Variants in NRG1 observed in about 807,000 individuals in gnomAD.
NRG1 encodes neuregulin 1.
Under a neutral mutation model 63.8 loss-of-function variants are expected in NRG1, and 18 were observed. The observed-to-expected ratio is 0.28, with a 90% CI of 0.19 to 0.42. NRG1 has a LOEUF of 0.42. Among genes scored for constraint, NRG1 ranks in the 10% least tolerant of loss-of-function variants. The pLI, the probability that NRG1 is intolerant of heterozygous loss-of-function variation, is 1.00. For synonymous variants in NRG1, 302 were observed against 301.3 expected, an observed-to-expected ratio of 1.00 and a Z score of -0.02; for missense variants, 762 against 814.7, an observed-to-expected ratio of 0.94 and a Z score of 0.79.
chr8:32,130,075 C>T (rs538856902), intron 1 of NRG1, among the ~76,000 whole-genome samples: 51 of 151,934 alleles, frequency 3.4e-4, no homozygotes, highest in African/African-American at 1.2e-3. Flanking sequence ...TGAAAGACGG[C>T]AGTTTAACGT....
intron 1 of NRG1, among the ~76,000 whole-genome samples, chr8:31,742,989 C>T (rs1437079334): frequency 6.6e-6 from 1 of 151,852 alleles, no homozygotes; most frequent in African/African-American, 2.4e-5. Context: ...GCCATTTTAT[C>T]CATCTACTTT....
chr8:32,217,636 T>A (rs1365373454), intron 1 of NRG1, among the ~76,000 whole-genome samples: 4 of 152,058 alleles, frequency 2.6e-5, no homozygotes, highest in Admixed American at 2.0e-4. Context: ...AGGGAAGAAA[T>A]CGGGTGAAAA....
intron 1 of NRG1, among the ~76,000 whole-genome samples, chr8:31,766,422 G>A (rs1009026753): frequency 1.3e-5 from 2 of 152,176 alleles, no homozygotes; most frequent in African/African-American, 2.4e-5. Context: ...ATGTTTTGGG[G>A]TGGGATTAAG....
At chr8:32,240,814 A>T (rs1481731) in intron 1 of NRG1, among the ~76,000 whole-genome samples, 2 of 152,002 alleles carry the variant, frequency 1.3e-5, no homozygotes, top group South Asian at 2.1e-4. Flanking sequence ...GAAGAATTTT[A>T]GAGACTCTTT....
At chr8:31,693,382 C>T (rs867930533) in intron 1 of NRG1, among the ~76,000 whole-genome samples, 1 of 152,042 alleles carries the variant, frequency 6.6e-6, no homozygotes, top group African/African-American at 2.4e-5. Flanking sequence ...TTTACATTTC[C>T]AATTAAAGCA....
intron 1 of NRG1, among the ~76,000 whole-genome samples, chr8:31,750,546 C>A (rs952176608): frequency 3.9e-5 from 6 of 152,008 alleles, no homozygotes; most frequent in African/African-American, 1.2e-4. Flanking sequence ...GTGCACTTAA[C>A]AGTGGACGTA....
chr8:31,835,547 T>C (rs1257975986), intron 1 of NRG1, among the ~76,000 whole-genome samples: 2 of 152,198 alleles, frequency 1.3e-5, no homozygotes, highest in African/African-American at 4.8e-5. Flanking sequence ...CAGCTTGGGT[T>C]ATCAGACCCA....
intron 1 of NRG1, among the ~76,000 whole-genome samples, chr8:31,657,195 GT>G (rs1213959383): frequency 6.6e-6 from 1 of 152,098 alleles, no homozygotes; most frequent in African/African-American, 2.4e-5. Context: ...CAATAACAGT[GT>G]TTTCATGGAA....
chr8:31,916,273 C>T (rs189793915), intron 1 of NRG1, among the ~76,000 whole-genome samples: 48 of 152,060 alleles, frequency 3.2e-4, no homozygotes, highest in African/African-American at 1.0e-3. Context: ...AGGTTAGTTA[C>T]GTATGTATAC....
At chr8:32,202,575 A>C (rs1274954196) in intron 1 of NRG1, among the ~76,000 whole-genome samples, 1 of 152,114 alleles carries the variant, frequency 6.6e-6, no homozygotes, top group African/African-American at 2.4e-5. Flanking sequence ...TTCAGTGTCC[A>C]TGAAGAATGA....
chr8:32,494,534 G>A (rs1248942788), intron 1 of NRG1, among the ~76,000 whole-genome samples: 1 of 152,074 alleles, frequency 6.6e-6, no homozygotes, highest in Non-Finnish European at 1.5e-5. Context: ...GGATCAAAGA[G>A]TTATCCTTTC....
chr8:31,835,047 A>T (rs73576515), intron 1 of NRG1, among the ~76,000 whole-genome samples: 500 of 152,354 alleles, frequency 3.3e-3, no homozygotes, highest in African/African-American at 0.012. Flanking sequence ...GTTAATACTG[A>T]TGCCATGAGG....
intron 1 of NRG1, among the ~76,000 whole-genome samples, chr8:32,047,127 TTATAA>T: frequency 6.6e-6 from 1 of 151,930 alleles, no homozygotes; most frequent in Non-Finnish European, 1.5e-5. Flanking sequence ...AAGATCCGAG[TTATAA>T]TATACAACCT....
At chr8:32,115,727 A>T (rs1013176155) in intron 1 of NRG1, among the ~76,000 whole-genome samples, 6 of 152,272 alleles carry the variant, frequency 3.9e-5, no homozygotes, top group African/African-American at 1.4e-4. Context: ...AATCCTCACA[A>T]CATGCCTACA....
chr8:32,203,188 C>CTT (rs11311144), intron 1 of NRG1, among the ~76,000 whole-genome samples: 11 of 61,460 alleles, frequency 1.8e-4, no homozygotes, highest in Non-Finnish European at 2.8e-4. Context: ...AGCAAGCCAG[C>CTT]TTTTTTTTTT....
intron 1 of NRG1, among the ~76,000 whole-genome samples, chr8:31,904,570 C>T (rs1017566052): frequency 5.9e-5 from 9 of 152,122 alleles, no homozygotes; most frequent in South Asian, 4.1e-4. Context: ...TAAAGACACA[C>T]GCATGCATAT....
intron 1 of NRG1, among the ~76,000 whole-genome samples, chr8:32,276,946 G>C (rs954370436): frequency 6.6e-6 from 1 of 152,190 alleles, no homozygotes; most frequent in African/African-American, 2.4e-5. Flanking sequence ...TGCTGCCCAC[G>C]TGGAAACATA....
intron 1 of NRG1, among the ~76,000 whole-genome samples, chr8:32,509,678 A>C (rs1828943061): frequency 6.6e-6 from 1 of 152,142 alleles, no homozygotes; most frequent in African/African-American, 2.4e-5. Flanking sequence ...ACAGCAGAGG[A>C]GGGCTTCATT....
At chr8:32,042,763 A>G (rs1478579017) in intron 1 of NRG1, among the ~76,000 whole-genome samples, 3 of 152,162 alleles carry the variant, frequency 2.0e-5, no homozygotes, top group African/African-American at 7.2e-5. Flanking sequence ...ATTAAAAAAA[A>G]ACTCATTGGA....
Sources: allele counts gnomAD v4.1 joint callset (sites outside exome capture counted in the v4.1 genomes callset), GRCh38; gene constraint gnomAD v4.1.1; transcripts MANE v1.5; gene names NCBI Gene and HGNC (gene_info 2026-07-23, HGNC 2026-07-21).